The following CENPK variants were observed in gnomAD, a reference collection of about 807,000 sequenced individuals.
CENPK encodes SoxLZ/Sox6-binding protein Solt.
Under a neutral mutation model 40.9 loss-of-function variants are expected in CENPK, and 46 were observed. The ratio of observed to expected loss-of-function variants is 1.13; its 90% confidence interval spans 0.89 to 1.44. The LOEUF (loss-of-function observed/expected upper bound fraction) is 1.44, where lower values mean the gene tolerates loss of function less well. Among genes scored for constraint, CENPK ranks in the 40% most tolerant of loss-of-function variants. The pLI is 0.00. For synonymous variants in CENPK, 107 were observed against 104.4 expected (o/e 1.02, Z -0.15); for missense variants, 288 against 303.5 (o/e 0.95, Z 0.38).
chr5:65,501,582 T>A, the CENPK span, among the ~76,000 whole-genome samples: 5 of 132,910 alleles, frequency 3.8e-5, no homozygotes, highest in Non-Finnish European at 8.1e-5. Context: ...TTGGTTATTA[T>A]AACACTCTAG....
the CENPK span, among the ~76,000 whole-genome samples, chr5:65,498,309 T>C: frequency 1.2e-4 from 19 of 152,070 alleles, no homozygotes; most frequent in Non-Finnish European, 2.2e-4. Context: ...TGAGGGCATA[T>C]CTCTTTATAT....
chr5:65,519,043 C>T (rs570736456), intron 10 of CENPK, among the ~76,000 whole-genome samples: 2 of 152,282 alleles, frequency 1.3e-5, no homozygotes, highest in East Asian at 3.9e-4. Flanking sequence ...CACAAAACAC[C>T]TATTCTTCTG....
Position 65,521,498 on chromosome 5 carries a change from T to C in CENPK, c.628A>G (p.Ile210Val). ...ACCTCTAACATTTCATGCAGTGTTA[T>C]CAGGTTTACAGATGATTCTTGAATG... ...KNIQESSVNL[I>V]TLHEMLEILI... is the part of the protein sequence containing the mutation. Residue 210 changes from isoleucine (I) to valine (V), a missense_variant, in exon 10 of 11, where the codon ATA (isoleucine) becomes GTA (valine). Coordinates refer to ENST00000396679, the MANE Select transcript of CENPK (RefSeq NM_022145.5). 6.2e-7 allele frequency: 1 copy of C among 1,610,086 alleles called. No individual in the cohort carries two copies.
chr5:65,502,619 G>T, the CENPK span, among the ~76,000 whole-genome samples: 1 of 151,594 alleles, frequency 6.6e-6, no homozygotes, highest in Non-Finnish European at 1.5e-5. Flanking sequence ...TGTTTGGTTT[G>T]TTTTTTTAAG....
chr5:65,536,106 AT>A (rs1334051496), intron 6 of CENPK, among the ~76,000 whole-genome samples: 1 of 152,214 alleles, frequency 6.6e-6, no homozygotes, highest in Non-Finnish European at 1.5e-5. Context: ...TCCCCTTCTT[AT>A]TTTTAACTGT....
rs578007482 is a variant in CENPK at position 65,559,045 on chromosome 5, C to T, written c.-40+2418G>A. 3.4e-4 allele frequency among the ~76,000 whole-genome samples: 51 copies of T among 152,224 alleles called. 1 individual carries two copies. The South Asian group carries it at 0.01, about 30-fold the overall frequency. On this transcript the variant is annotated intron_variant, in intron 2 of 10. Transcript: ENST00000396679. ...GGCAATTTTAAGGAGGTAGACAGTG[C>T]AATAAAGAATGATGAGGATGTCTAC...
At chr5:65,526,729 C>T (rs549307204) in intron 9 of CENPK, among the ~76,000 whole-genome samples, 17 of 152,132 alleles carry the variant, frequency 1.1e-4, no homozygotes, top group Admixed American at 3.9e-4. Flanking sequence ...GAGGCTGAGG[C>T]GGGAGGATAG....
chr5:65,499,190 G>C, the CENPK span, among the ~76,000 whole-genome samples: 1 of 148,614 alleles, frequency 6.7e-6, no homozygotes, highest in Non-Finnish European at 1.5e-5. Context: ...ACTTTCTTTA[G>C]CCTTCTTTTA....
At chr5:65,513,732 C>A (rs35069212), downstream of CENPK, among the ~76,000 whole-genome samples, 7,195 of 152,258 alleles carry the variant, frequency 0.047, 295 homozygotes, top group African/African-American at 0.1. Flanking sequence ...ATTGCATTAG[C>A]AAGAACTTCC....
In CENPK at chr5:65,561,204, C is replaced by T. The variant is rs2150569727; in HGVS notation, c.-40+259G>A. 3 of 236,528 alleles carry T rather than the reference C, an allele frequency of 1.3e-5. No individual in the cohort carries two copies. In the South Asian group the frequency reaches 1.6e-4, roughly 12 times the overall value. 14.7% of individuals were successfully genotyped at this position (236,528 alleles called of 1,614,324 possible). A position where few individuals can be genotyped will look rare whatever the true frequency, so the allele number is the denominator to read the frequency against. On this transcript the variant is annotated intron_variant, in intron 2 of 10. Coordinates refer to ENST00000396679, the MANE Select transcript of CENPK (RefSeq NM_022145.5). ...GGCTGAAAATCTCACCTGCTATACCCATAAGATACAGTTTAAGTTCACAAA... is the reference window on the plus strand; with the variant it reads ...GGCTGAAAATCTCACCTGCTATACCTATAAGATACAGTTTAAGTTCACAAA...
At chr5:65,526,392 T>C (rs1297570331) in intron 9 of CENPK, among the ~76,000 whole-genome samples, 1 of 152,076 alleles carries the variant, frequency 6.6e-6, no homozygotes, top group African/African-American at 2.4e-5. Flanking sequence ...ACACAGCCCA[T>C]AACAAATGTA....
chr5:65,561,643 C>T (rs1751986026), intron 1 of CENPK, 79 bp from the exon 2 acceptor site: 1 of 323,080 alleles, frequency 3.1e-6, no homozygotes, highest in African/African-American at 2.1e-5. Flanking sequence ...TTTTCCCGTT[C>T]CCACATTTTG....
chr5:65,528,692 C>T (rs1186848060), intron 8 of CENPK, 114 bp from the exon 9 acceptor site: 1 of 1,260,902 alleles, frequency 7.9e-7, no homozygotes, highest in Admixed American at 3.4e-5. Context: ...TTTGCTCAAA[C>T]CAAATAACTA....
chr5:65,514,217 G>GGC (rs1742689007), downstream of CENPK, among the ~76,000 whole-genome samples: 1 of 127,506 alleles, frequency 7.8e-6, no homozygotes, highest in Non-Finnish European at 1.6e-5. Flanking sequence ...GGGTAATGCT[G>GGC]GCCTCACATA....
chr5:65,559,720 C>T (rs982583573), intron 2 of CENPK, among the ~76,000 whole-genome samples: 5 of 151,778 alleles, frequency 3.3e-5, no homozygotes, highest in Admixed American at 6.6e-5. Context: ...AGGACATACC[C>T]TACACTATTA....
downstream of CENPK, chr5:65,517,699 A>G (rs1742978787): frequency 6.6e-6 from 1 of 152,296 alleles, no homozygotes; most frequent in South Asian, 2.1e-4. Context: ...AATGAGTCCT[A>G]TATCTTAGTT....
chr5:65,539,486 T>A (rs1212109352), intron 6 of CENPK, among the ~76,000 whole-genome samples: 1 of 152,204 alleles, frequency 6.6e-6, no homozygotes, highest in African/African-American at 2.4e-5. Flanking sequence ...CATGTCCCAA[T>A]TAACTCCCAA....
At chr5:65,562,484 A>G (rs959096943) in intron 1 of CENPK, among the ~76,000 whole-genome samples, 2 of 152,194 alleles carry the variant, frequency 1.3e-5, no homozygotes, top group Non-Finnish European at 2.9e-5. Flanking sequence ...GAGATTTACG[A>G]CGAGGATTTT....
the CENPK span, among the ~76,000 whole-genome samples, chr5:65,511,630 A>T: frequency 6.6e-6 from 1 of 152,248 alleles, no homozygotes; most frequent in Non-Finnish European, 1.5e-5. Context: ...GGTGAGCAGC[A>T]GGTGAGTGAG....
Sources: gnomAD v4.1 joint callset for allele counts (sites outside exome capture counted in the v4.1 genomes callset) on GRCh38, gnomAD v4.1.1 for gene constraint, MANE v1.5 for transcripts, NCBI Gene and HGNC (gene_info 2026-07-23, HGNC 2026-07-21) for gene names.